MTMR10: variants seen among roughly 807,000 people sequenced by gnomAD.
The protein encoded by MTMR10 is myotubularin related protein 10, also known as myotubularin-related protein 10.
Under a neutral mutation model 88.1 loss-of-function variants are expected in MTMR10, and 56 were observed. The observed-to-expected ratio is 0.64, with a 90% confidence interval of 0.51 to 0.79. MTMR10 has a LOEUF of 0.79. Among genes scored for constraint, MTMR10 ranks in the 30% least tolerant of loss-of-function variants. MTMR10 has a pLI of 0.00. For missense variants in MTMR10, 883 were observed against 924.7 expected (o/e 0.95, Z 0.58); for synonymous variants, 380 against 340.9 (o/e 1.11, Z -1.26).
At chr15:30,981,203 T>C (rs552046947) in intron 2 of MTMR10, among the ~76,000 whole-genome samples, 51 of 152,330 alleles carry the variant, frequency 3.3e-4, no homozygotes, top group African/African-American at 1.2e-3. Flanking sequence ...AGTTTTAAGG[T>C]ATGCCCATAA....
chr15:30,991,464 G>C lies in MTMR10; in HGVS notation c.43C>G (p.Leu15Val), dbSNP rs200770610. The C allele has an allele frequency of 6.6e-7, 1 of 1,510,856 alleles. No homozygotes were observed. Among genetic ancestry groups the C allele is most frequent in the Non-Finnish European group, 8.8e-7 (1 of 1,137,310 alleles). 93.6% of individuals were successfully genotyped at this position (1,510,856 alleles called of 1,614,324 possible). The change falls in exon 1 of 16, where the codon CTC becomes GTC. Residue 15 changes from leucine to valine, a missense_variant. Leu to Val is a conservative substitution (Grantham distance 32, BLOSUM62 1). Around this residue, in one of 3 missense-constraint regions of MTMR10, gnomAD observed 414 missense variants for 423.2 expected, o/e 0.98. Coordinates refer to ENST00000435680, the MANE Select transcript of MTMR10 (RefSeq NM_017762.3). ...KPPKPTFRSY[L>V]LPPPQTDDKI... Reference sequence around the variant, plus strand: ...TTGTTTACCTGGGGCGGTGGCAGGAGGTAGGACCTGAAGGTGGGTTTGGGC... The same window carrying C: ...TTGTTTACCTGGGGCGGTGGCAGGACGTAGGACCTGAAGGTGGGTTTGGGC...
chr15:30,989,982 T>C (rs891340567), intron 2 of MTMR10, among the ~76,000 whole-genome samples: 2 of 152,222 alleles, frequency 1.3e-5, no homozygotes, highest in African/African-American at 2.4e-5. Context: ...ACAATTGTTA[T>C]ACAATTCAAA....
At chr15:30,974,867 G>A (rs952854440) in intron 4 of MTMR10, 64 bp downstream of exon 4, 49 of 1,157,042 alleles carry the variant, frequency 4.2e-5, no homozygotes, top group Non-Finnish European at 5.4e-5. Flanking sequence ...TGAGAGGTAT[G>A]ACTTTTCAAA....
intron 11 of MTMR10, 59 bp downstream of exon 11, chr15:30,953,503 G>C (rs926909203): frequency 1.2e-5 from 15 of 1,304,048 alleles, no homozygotes; most frequent in Non-Finnish European, 1.5e-5. Context: ...TACCTCCAGT[G>C]AGTCTGTAGT....
the MTMR10 span, among the ~76,000 whole-genome samples, chr15:30,932,869 T>C: frequency 6.6e-6 from 1 of 151,358 alleles, no homozygotes; most frequent in Non-Finnish European, 1.5e-5. Context: ...TGCACCACCA[T>C]GCCTGGATAA....
chr15:30,940,137 C>T lies in MTMR10; in HGVS notation c.*1333G>A, dbSNP rs1191443396. Reference sequence around the variant, plus strand: ...TATCTTAGGATGGCAGTTTAAGAAACAGTCAAATTTGAAAGTATCCATGTT... The same window carrying T: ...TATCTTAGGATGGCAGTTTAAGAAATAGTCAAATTTGAAAGTATCCATGTT... On this transcript the variant is annotated 3_prime_UTR_variant, in exon 16 of 16. Transcript: ENST00000435680. The T allele has an allele frequency of 3.0e-6, 3 of 985,264 alleles. No homozygotes were observed. Among genetic ancestry groups the T allele is most frequent in the Non-Finnish European group, 3.6e-6 (3 of 829,900 alleles). 61.0% of individuals were successfully genotyped at this position (985,264 alleles called of 1,614,324 possible).
chr15:30,937,640 C>T (rs1482921367), downstream of MTMR10, among the ~76,000 whole-genome samples: 3 of 151,278 alleles, frequency 2.0e-5, no homozygotes, highest in Admixed American at 6.6e-5. Flanking sequence ...TTAGTAGAGA[C>T]GGGGTTTCAC....
intron 14 of MTMR10, chr15:30,943,816 G>A (rs2063124289): frequency 3.0e-6 from 3 of 985,448 alleles, no homozygotes; most frequent in Non-Finnish European, 3.6e-6. Context: ...CTGGAAGGCA[G>A]CCCAGACCAT....
intron 6 of MTMR10, chr15:30,965,928 G>C (rs2063467153): frequency 9.7e-6 from 4 of 413,630 alleles, no homozygotes; most frequent in Admixed American, 2.6e-5. Flanking sequence ...GTGTCATCCA[G>C]AAGTTCAAGA....
the MTMR10 span, chr15:30,927,889 C>CTG: frequency 1.0e-6 from 1 of 985,648 alleles, no homozygotes; most frequent in African/African-American, 1.7e-5. Context: ...ACCTCAGCAC[C>CTG]TGACTTCTGT....
intron 9 of MTMR10, among the ~76,000 whole-genome samples, chr15:30,957,129 T>C (rs111528360): frequency 6.6e-6 from 1 of 152,218 alleles, no homozygotes; most frequent in Non-Finnish European, 1.5e-5. Context: ...TGAGGCTCCA[T>C]AAGCCTGTTT....
chr15:30,935,579 T>G (rs1416614400), downstream of MTMR10, among the ~76,000 whole-genome samples: 2 of 150,272 alleles, frequency 1.3e-5, no homozygotes, highest in Non-Finnish European at 3.0e-5. Context: ...TGTGCTAGAA[T>G]ATGCAGATGC....
At chr15:30,922,159 C>A in the MTMR10 span, 1 of 1,541,092 alleles carries the variant, frequency 6.5e-7, no homozygotes, top group Non-Finnish European at 8.8e-7. Flanking sequence ...CTTTACCAAT[C>A]CTATGGGCTT....
chr15:30,940,867 G>A lies in MTMR10; in HGVS notation c.*603C>T, dbSNP rs533902091. 104 of 1,008,704 alleles carry A rather than the reference G, an allele frequency of 1.0e-4. 1 individual carries two copies. In the African/African-American group the frequency reaches 1.8e-3, roughly 17 times the overall value. 62.5% of individuals were successfully genotyped at this position (1,008,704 alleles called of 1,614,324 possible). A position where few individuals can be genotyped will look rare whatever the true frequency, so the allele number is the denominator to read the frequency against. ...TGCAGCAAATGCTTTAAAATTAACA[G>A]TGCATATCATTTTAAAGTTGACCCT... On this transcript the variant is annotated 3_prime_UTR_variant, in exon 16 of 16. Coordinates refer to ENST00000435680, the MANE Select transcript of MTMR10 (RefSeq NM_017762.3).
the MTMR10 span, among the ~76,000 whole-genome samples, chr15:30,930,350 C>T: frequency 6.6e-6 from 1 of 152,216 alleles, no homozygotes; most frequent in African/African-American, 2.4e-5. Flanking sequence ...CAGTCTCCCA[C>T]CACTTGCCAG....
At chr15:30,938,174 ACT>A (rs1239234811), downstream of MTMR10, among the ~76,000 whole-genome samples, 1 of 150,676 alleles carries the variant, frequency 6.6e-6, no homozygotes, top group East Asian at 2.0e-4. Flanking sequence ...ACAGAGCGAG[ACT>A]CTGTCTCAAA....
Position 30,954,888 on chromosome 15 carries a change from CAAATCCTAAT to C in MTMR10, c.936-5_940del. On this transcript the variant is annotated splice_acceptor_variant and splice_polypyrimidine_tract_variant and coding_sequence_variant and intron_variant, in exon 10 of 16. Transcript: ENST00000435680. LOFTEE classifies it high-confidence loss of function. ...TGGGTGACTTTTAGTTATTGCATTA[CAAATCCTAAT>C]AAAGACAAAAATACTTTAGTCATTA... The C allele has an allele frequency of 6.5e-7, 1 of 1,546,168 alleles. No homozygotes were observed. Among genetic ancestry groups the C allele is most frequent in the Non-Finnish European group, 8.7e-7 (1 of 1,145,036 alleles).
the MTMR10 span, among the ~76,000 whole-genome samples, chr15:30,932,598 A>G: frequency 8.5e-5 from 13 of 152,244 alleles, no homozygotes; most frequent in Admixed American, 2.0e-4. Context: ...TTTAAACAAC[A>G]TAAGGCTGTT....
At chr15:30,926,734 G>T in the MTMR10 span, 5 of 985,334 alleles carry the variant, frequency 5.1e-6, no homozygotes, top group Non-Finnish European at 6.0e-6. Context: ...GTGGAAACTG[G>T]ACACTCGCTG....
Sources: allele counts gnomAD v4.1 joint callset (sites outside exome capture counted in the v4.1 genomes callset), GRCh38; gene constraint gnomAD v4.1.1; regional missense constraint gnomAD v4.1.1; transcripts MANE v1.5; gene names NCBI Gene and HGNC (gene_info 2026-07-23, HGNC 2026-07-21).